Variants in XRN1 observed in about 807,000 individuals in gnomAD.
The protein encoded by XRN1 is strand-exchange protein 1 homolog.
XRN1 carries 67 observed loss-of-function variants against 222.3 expected under a neutral mutation model. The observed-to-expected ratio is 0.30, with a 90% CI of 0.25 to 0.37. The LOEUF (loss-of-function observed/expected upper bound fraction) is 0.37, where lower values mean the gene tolerates loss of function less well. XRN1 is among the 10% of genes least tolerant of loss of function. The pLI is 1.00. For missense variants in XRN1, 1,707 were observed against 2,000.2 expected, an observed-to-expected ratio of 0.85 and a Z score of 2.80; for synonymous variants, 643 against 652.4, an observed-to-expected ratio of 0.99 and a Z score of 0.22.
chr3:142,428,473 G>A (rs1159160778), intron 2 of XRN1, among the ~76,000 whole-genome samples: 4 of 151,744 alleles, frequency 2.6e-5, no homozygotes, highest in Non-Finnish European at 4.4e-5. Context: ...CAGCCATAAT[G>A]TTTAATCTGG....
intron 39 of XRN1, among the ~76,000 whole-genome samples, chr3:142,313,332 A>G (rs2065125675): frequency 1.3e-5 from 2 of 152,180 alleles, no homozygotes; most frequent in African/African-American, 4.8e-5. Flanking sequence ...TGCCAAATCT[A>G]ATTTGTATAT....
rs2068626528 is a variant in XRN1, at chr3:142,412,564, A to C, written c.1693T>G (p.Leu565Val). 6.2e-7 allele frequency: 1 copy of C among 1,607,102 alleles called. No homozygotes were observed. ...CTGACCTCATCAATAAAAGGGATTAACACCACAGCTTCCCATTCCTGTTGT... is the reference window on the plus strand; with the variant it reads ...CTGACCTCATCAATAAAAGGGATTACCACCACAGCTTCCCATTCCTGTTGT... ...GKQQEWEAVV[L>V]IPFIDEKRLL... is the part of the protein sequence containing the mutation. The change falls in exon 15 of 41, where the codon TTA becomes GTA. Residue 565 changes from leucine to valine, a missense_variant. Physicochemically the swap from Leu to Val is conservative, Grantham distance 32 (BLOSUM62 1). Coordinates refer to ENST00000392981, the MANE Select transcript of XRN1 (RefSeq NM_001282857.2).
In XRN1 at chr3:142,370,491, C is replaced by T; in HGVS notation, c.3198G>A (p.Lys1066=). 2 of 1,605,260 alleles carry T rather than the reference C, an allele frequency of 1.2e-6. No individual in the cohort carries two copies. Among genetic ancestry groups the T allele is most frequent in the Non-Finnish European group, 1.7e-6 (2 of 1,177,298 alleles). ...GGTTACTGAAAGTTAGTACCTTGCA[C>T]TTTTCGACTTCTTCCTCAATTTTCT... ...IVEKIEEEVE[K]CKQRKNNKKV... The change falls in exon 27 of 41, where the codon AAG becomes AAA. Residue 1066 remains lysine (K), a synonymous_variant. Transcript: ENST00000392981.
At chr3:142,419,340 C>A (rs746393836) in intron 10 of XRN1, among the ~76,000 whole-genome samples, 2 of 152,106 alleles carry the variant, frequency 1.3e-5, no homozygotes, top group Non-Finnish European at 2.9e-5. Context: ...AAAAGACACA[C>A]ACACACACAC....
intron 20 of XRN1, among the ~76,000 whole-genome samples, chr3:142,384,890 G>C (rs1305879116): frequency 6.6e-6 from 1 of 152,086 alleles, no homozygotes; most frequent in African/African-American, 2.4e-5. Flanking sequence ...AACTGTCTCT[G>C]TGATTAAATA....
At position 142,447,313 on chromosome 3, in the gene XRN1, G is replaced by A. The variant is rs1319516711; in HGVS notation, c.75+557C>T. On this transcript the variant is annotated intron_variant, in intron 1 of 40. Transcript: ENST00000392981. This position sits in a 1 kb window ranked among gnomAD's most constrained non-coding sequence, Gnocchi z 4.2. ...GCAACAGGGGATTGGTGCTGCTTTTGAAATAACAGAAAGTAACAAAAGGCA... is the reference window on the plus strand; with the variant it reads ...GCAACAGGGGATTGGTGCTGCTTTTAAAATAACAGAAAGTAACAAAAGGCA... 6.6e-6 allele frequency among the ~76,000 whole-genome samples: 1 copy of A among 152,172 alleles called. No individual in the cohort carries two copies. The highest frequency in any genetic ancestry group is 2.4e-5 in the African/African-American group (1 of 41,442).
intron 25 of XRN1, among the ~76,000 whole-genome samples, chr3:142,373,800 G>A (rs189017915): frequency 9.9e-4 from 150 of 152,144 alleles, no homozygotes; most frequent in Middle Eastern, 3.4e-3. Context: ...CCAACGTGGT[G>A]AAACCCCATC....
At chr3:142,443,542 G>A (rs930569383) in intron 1 of XRN1, among the ~76,000 whole-genome samples, 1 of 152,202 alleles carries the variant, frequency 6.6e-6, no homozygotes, top group Non-Finnish European at 1.5e-5. Flanking sequence ...GACAAGGATC[G>A]GGATGTAAAC....
Position 142,383,398 on chromosome 3 carries a change from C to A in XRN1, c.2518G>T (p.Asp840Tyr), listed in dbSNP as rs368411156. The change falls in exon 22 of 41, where the codon GAC (aspartate) becomes TAC (tyrosine). Residue 840 changes from aspartate to tyrosine, a missense_variant. Asp to Tyr is a radical substitution (Grantham distance 160). Around this residue, in one of 2 missense-constraint regions of XRN1, gnomAD observed 1,234 missense variants for 1,518.2 expected, o/e 0.81. Transcript: ENST00000392981. ...QTIVKDIRAF[D>Y]SRFSNIKTLD... The stretch of plus-strand genomic sequence containing the variant: ...GTTTTGATATTGGAGAAACGGGAGT[C>A]GAAAGCTCGGATGTCCTACATAAAA... 6.2e-7 allele frequency: 1 copy of A among 1,613,052 alleles called. No homozygotes were observed. The highest frequency in any genetic ancestry group is 8.5e-7 in the Non-Finnish European group (1 of 1,179,674).
Position 142,356,866 on chromosome 3 carries a change from G to A in XRN1, c.3672+46C>T, listed in dbSNP as rs149420968. The A allele has an allele frequency of 1.1e-3, 1,725 of 1,557,010 alleles. 29 individuals are homozygous for A. In the Admixed American group the frequency reaches 0.022, roughly 20 times the overall value. On this transcript the variant is annotated intron_variant, in intron 31 of 40. Transcript: ENST00000392981. The stretch of plus-strand genomic sequence containing the variant: ...ATTTACAAAGTCTGCTGTGATTTGT[G>A]ATTTGTAAAAGGGGTAGAGGAGAAG...
At chr3:142,329,802 C>G (rs1283125517) in intron 36 of XRN1, among the ~76,000 whole-genome samples, 187 bp from the exon 37 acceptor site, 1 of 152,172 alleles carries the variant, frequency 6.6e-6, no homozygotes, top group Admixed American at 6.5e-5. Context: ...ATCCTGGACT[C>G]TAGCAGTACA....
At chr3:142,320,955 T>C (rs1418525751) in intron 37 of XRN1, among the ~76,000 whole-genome samples, 1 of 152,134 alleles carries the variant, frequency 6.6e-6, no homozygotes, top group Non-Finnish European at 1.5e-5. Context: ...CTAAGACTTT[T>C]ATAGTTTTAG....
intron 20 of XRN1, among the ~76,000 whole-genome samples, chr3:142,385,140 G>T (rs531970077): frequency 6.6e-6 from 1 of 152,262 alleles, no homozygotes; most frequent in East Asian, 1.9e-4. Context: ...CCCCGGATTG[G>T]AAACAGGTAC....
chr3:142,351,008 A>T (rs755074022), intron 32 of XRN1, among the ~76,000 whole-genome samples: 3 of 152,132 alleles, frequency 2.0e-5, no homozygotes, highest in Non-Finnish European at 4.4e-5. Context: ...TGGAAAGAGA[A>T]GTTTGGGAGA....
At chr3:142,422,440 G>A in intron 8 of XRN1, 142 bp downstream of exon 8, 2 of 811,244 alleles carry the variant, frequency 2.5e-6, no homozygotes, top group Non-Finnish European at 3.9e-6. Context: ...CAACCTCAGA[G>A]GTTAGCACCT....
intron 29 of XRN1, among the ~76,000 whole-genome samples, chr3:142,362,573 T>A (rs377121000): frequency 1.3e-5 from 2 of 149,638 alleles, no homozygotes; most frequent in Middle Eastern, 3.5e-3. Flanking sequence ...GGCCTTTTTT[T>A]CTTCGTCCCC....
At chr3:142,316,796 G>T (rs2065221832) in intron 39 of XRN1, among the ~76,000 whole-genome samples, 1 of 152,156 alleles carries the variant, frequency 6.6e-6, no homozygotes, top group Admixed American at 6.5e-5. Flanking sequence ...GGCAAGGCAT[G>T]AAGGCTCATG....
chr3:142,410,515 G>C (rs1298617803), intron 15 of XRN1, among the ~76,000 whole-genome samples: 1 of 40,774 alleles, frequency 2.5e-5, no homozygotes, highest in East Asian at 6.0e-4. Flanking sequence ...TTTTTTTTGA[G>C]ATGGAGTCTG....
At chr3:142,439,490 C>G (rs1002860477) in intron 1 of XRN1, among the ~76,000 whole-genome samples, 1 of 152,176 alleles carries the variant, frequency 6.6e-6, no homozygotes, top group African/African-American at 2.4e-5. Flanking sequence ...CACTGTAACA[C>G]AGGGAAAGGA....
Sources: gnomAD v4.1 joint callset for allele counts (sites outside exome capture counted in the v4.1 genomes callset) on GRCh38, gnomAD v4.1.1 for gene constraint, gnomAD v4.1.1 regional missense constraint, Gnocchi (gnomAD v3.1) non-coding constraint, MANE v1.5 for transcripts, NCBI Gene and HGNC (gene_info 2026-07-23, HGNC 2026-07-21) for gene names.